Variants in BLK observed in about 807,000 individuals in gnomAD.
BLK encodes the protein BLK proto-oncogene, Src family tyrosine kinase.
Under a neutral mutation model 61.8 loss-of-function variants are expected in BLK, and 64 were observed. That is an observed-to-expected ratio of 1.03 (90% confidence interval 0.85 to 1.27). The LOEUF is 1.27. Ranked by LOEUF, BLK falls within the 50% of genes most tolerant of loss-of-function variation. BLK has a pLI of 0.00. For missense variants in BLK, 853 were observed against 660.5 expected, an observed-to-expected ratio of 1.29 and a Z score of -3.19; for synonymous variants, 351 against 272.0, an observed-to-expected ratio of 1.29 and a Z score of -2.86.
At chr8:11,562,352 T>C (rs10109802) in intron 11 of BLK, among the ~76,000 whole-genome samples, 1 of 151,596 alleles carries the variant, frequency 6.6e-6, no homozygotes, top group Non-Finnish European at 1.5e-5. Flanking sequence ...ATGAGTCAGA[T>C]GACAAGCAGA....
chr8:11,561,319 A>G lies in BLK; in HGVS notation c.1047A>G (p.Ala349=), dbSNP rs753130362. ...DMSAQIAEGM[A]YIERMNSIHR... ...TCCCTCAGATTGCTGAAGGGATGGCATACATTGAGCGCATGAATTCCATCC... is the reference window on the plus strand; with the variant it reads ...TCCCTCAGATTGCTGAAGGGATGGCGTACATTGAGCGCATGAATTCCATCC... The change falls in exon 11 of 13, where the codon GCA becomes GCG. Residue 349 remains alanine, a synonymous_variant. Transcript: ENST00000259089. The G allele has an allele frequency of 5.6e-6, 9 of 1,613,872 alleles. No homozygotes were observed. The highest frequency in any genetic ancestry group is 7.6e-6 in the Non-Finnish European group (9 of 1,179,894).
Position 11,554,897 on chromosome 8 carries a change from G to A in BLK, c.619+8G>A. 3 of 1,612,000 alleles carry A rather than the reference G, an allele frequency of 1.9e-6. No individual in the cohort carries two copies. Among genetic ancestry groups the A allele is most frequent in the Non-Finnish European group, 1.7e-6 (2 of 1,179,926 alleles). ...TGGTGCAGCACTATTCTAGTAAGAG[G>A]GGGCGTGCAATGGGGGCAGGGACTT... On this transcript the variant is annotated splice_region_variant and intron_variant, in intron 7 of 12. Transcript: ENST00000259089.
intron 1 of BLK, among the ~76,000 whole-genome samples, chr8:11,517,728 C>T (rs2117316244): frequency 6.6e-6 from 1 of 152,312 alleles, no homozygotes; most frequent in African/African-American, 2.4e-5. Flanking sequence ...CCAGCCAAGC[C>T]AGAGGCTTAC....
At chr8:11,563,860 G>T in intron 12 of BLK, 43 bp from the exon 13 acceptor site, 1 of 1,569,842 alleles carries the variant, frequency 6.4e-7, no homozygotes, top group South Asian at 1.2e-5. Flanking sequence ...ACCCACCGAG[G>T]ACCCCAGCCC....
At chr8:11,550,882 G>A (rs1319012147) in intron 6 of BLK, among the ~76,000 whole-genome samples, 1 of 152,176 alleles carries the variant, frequency 6.6e-6, no homozygotes, top group African/African-American at 2.4e-5. Context: ...AAGCTTGCAT[G>A]AAGTATGAAT....
chr8:11,518,531 T>G (rs1205378366), intron 1 of BLK, among the ~76,000 whole-genome samples: 5 of 151,826 alleles, frequency 3.3e-5, no homozygotes, highest in African/African-American at 1.2e-4. Flanking sequence ...ATCTCAGCAT[T>G]TCCATCCACT....
chr8:11,555,201 G>A, intron 7 of BLK, 131 bp from the exon 8 acceptor site: 1 of 1,228,764 alleles, frequency 8.1e-7, no homozygotes, highest in East Asian at 2.3e-5. Flanking sequence ...GCATGTGCAG[G>A]CGTGTGCACA....
chr8:11,505,972 C>T (rs1278998508), intron 1 of BLK, among the ~76,000 whole-genome samples: 1 of 152,238 alleles, frequency 6.6e-6, no homozygotes, highest in African/African-American at 2.4e-5. Flanking sequence ...GACCTCTCCC[C>T]ATCTTCCTCT....
chr8:11,559,107 C>T, intron 10 of BLK: 1 of 409,762 alleles, frequency 2.4e-6, no homozygotes, highest in Non-Finnish European at 5.0e-6. Context: ...CCTATTCAAT[C>T]CCCACTACAC....
intron 1 of BLK, among the ~76,000 whole-genome samples, chr8:11,542,322 A>G (rs779482802): frequency 6.6e-6 from 1 of 152,246 alleles, no homozygotes. Flanking sequence ...TGGTGTGTAC[A>G]TCCAAAGGAA....
intron 1 of BLK, among the ~76,000 whole-genome samples, chr8:11,542,016 C>A (rs973147325): frequency 2.0e-5 from 3 of 152,174 alleles, no homozygotes; most frequent in African/African-American, 7.2e-5. Flanking sequence ...GAATTTTTCG[C>A]TTCTGTGGCT....
chr8:11,507,436 A>C (rs1282693196), intron 1 of BLK, among the ~76,000 whole-genome samples: 1 of 152,232 alleles, frequency 6.6e-6, no homozygotes, highest in Non-Finnish European at 1.5e-5. Flanking sequence ...ATGGCCCTCA[A>C]GAAAGGCAGG....
intron 1 of BLK, among the ~76,000 whole-genome samples, chr8:11,536,855 C>G (rs1416401079): frequency 6.6e-6 from 1 of 152,218 alleles, no homozygotes; most frequent in Non-Finnish European, 1.5e-5. Context: ...AAACACTTTA[C>G]CCAGGCCTCT....
chr8:11,536,311 C>A (rs544659094), intron 1 of BLK, among the ~76,000 whole-genome samples: 7 of 152,296 alleles, frequency 4.6e-5, no homozygotes, highest in African/African-American at 1.7e-4. Flanking sequence ...ATGTAAAATA[C>A]TGCAACCCAG....
At chr8:11,555,182 A>G (rs1465982791) in intron 7 of BLK, 150 bp from the exon 8 acceptor site, 1 of 1,101,212 alleles carries the variant, frequency 9.1e-7, no homozygotes, top group East Asian at 2.4e-5. Flanking sequence ...GAAAGAGTTG[A>G]GTGTGTGTGC....
intron 1 of BLK, among the ~76,000 whole-genome samples, chr8:11,500,956 C>G (rs1242965021): frequency 6.6e-6 from 1 of 152,050 alleles, no homozygotes; most frequent in East Asian, 1.9e-4. Context: ...CACCTGTAAT[C>G]CCAGCACTTT....
At chr8:11,541,578 A>G (rs1055246310) in intron 1 of BLK, among the ~76,000 whole-genome samples, 6 of 150,934 alleles carry the variant, frequency 4.0e-5, no homozygotes, top group African/African-American at 1.2e-4. Context: ...GCTCACTACA[A>G]CCTCCGCCTC....
chr8:11,561,495 C>T (rs371390075), intron 11 of BLK, 43 bp downstream of exon 11: 1 of 1,603,214 alleles, frequency 6.2e-7, no homozygotes, highest in African/African-American at 1.3e-5. Flanking sequence ...AGGGCCTTAT[C>T]TTTCCCAGCT....
At chr8:11,507,164 C>T (rs1798804801) in intron 1 of BLK, among the ~76,000 whole-genome samples, 1 of 152,168 alleles carries the variant, frequency 6.6e-6, no homozygotes, top group Admixed American at 6.5e-5. Flanking sequence ...TTTACAAGGC[C>T]AGGAGCCAAG....
Sources: gnomAD v4.1 joint callset for allele counts (sites outside exome capture counted in the v4.1 genomes callset) on GRCh38, gnomAD v4.1.1 for gene constraint, MANE v1.5 for transcripts, NCBI Gene and HGNC (gene_info 2026-07-23, HGNC 2026-07-21) for gene names.